Variants in ERBIN observed in about 807,000 individuals in gnomAD.
The protein encoded by ERBIN is erbb2 interacting protein, also known as densin-180-like protein.
Under a neutral mutation model 158.4 loss-of-function variants are expected in ERBIN, and 60 were observed. That is an observed-to-expected ratio of 0.38 (90% CI 0.31 to 0.47). The LOEUF (loss-of-function observed/expected upper bound fraction) is 0.47, where lower values mean the gene tolerates loss of function less well. Among genes scored for constraint, ERBIN ranks in the 20% least tolerant of loss-of-function variants. The probability of loss-of-function intolerance (pLI) is 0.99; values close to 1 mark genes in which losing one functional copy is unlikely to be tolerated. For missense variants in ERBIN, 1,610 were observed against 1,648.0 expected, an observed-to-expected ratio of 0.98 and a Z score of 0.40; for synonymous variants, 594 against 557.2, an observed-to-expected ratio of 1.07 and a Z score of -0.93.
chr5:66,063,671 C>T (rs1446965913), intron 21 of ERBIN, among the ~76,000 whole-genome samples: 2 of 152,132 alleles, frequency 1.3e-5, no homozygotes, highest in African/African-American at 2.4e-5. Flanking sequence ...CCTATTCGGC[C>T]ATCTTGGCTC....
chr5:66,050,765 A>G lies in ERBIN; in HGVS notation c.1904-18A>G, dbSNP rs1758937347. On this transcript the variant is annotated intron_variant, in intron 19 of 25. Transcript: ENST00000284037. ...TCTTGGGGAATTTATCATTAATCTT[A>G]AATTTGTTTTGTTTCAGATGATACA... 1.4e-6 allele frequency: 2 copies of G among 1,471,824 alleles called. No individual in the cohort carries two copies. The highest frequency in any genetic ancestry group is 1.8e-6 in the Non-Finnish European group (2 of 1,095,212). The allele number at this position is 1,471,824 out of a possible 1,614,324, so 91.2% of individuals were successfully genotyped here. A position where few individuals can be genotyped will look rare whatever the true frequency, so the allele number is the denominator to read the frequency against.
In ERBIN at chr5:66,052,529, TATG is replaced by T. The variant is rs1192333692; in HGVS notation, c.2088-874_2088-872del. 5.9e-5 allele frequency among the ~76,000 whole-genome samples: 9 copies of T among 152,302 alleles called. No homozygotes were observed. In the South Asian group the frequency reaches 1.0e-3, roughly 18 times the overall value. On this transcript the variant is annotated intron_variant, in intron 20 of 25. Transcript: ENST00000284037. ...ATTTTATTTATTGTTGGGAAAGCGG[TATG>T]ATATTTTCTAAATCCTGCTTTTAAT...
chr5:65,975,391 C>T (rs561510783), intron 1 of ERBIN, among the ~76,000 whole-genome samples: 23 of 152,178 alleles, frequency 1.5e-4, no homozygotes, highest in Non-Finnish European at 2.8e-4. Flanking sequence ...CTGTAACCTC[C>T]GCCTCCCAGG....
intron 4 of ERBIN, among the ~76,000 whole-genome samples, 154 bp from the exon 5 acceptor site, chr5:66,011,894 AG>A (rs1283826058): frequency 5.9e-5 from 9 of 152,178 alleles, no homozygotes; most frequent in African/African-American, 2.2e-4. Context: ...ATTGTTGTGC[AG>A]GTCATTGTTT....
rs981747175 is a variant in ERBIN, at chr5:66,012,080, T to C, written c.339T>C (p.Asn113=). 19 of 1,606,612 alleles carry C rather than the reference T, an allele frequency of 1.2e-5. No individual in the cohort carries two copies. Among genetic ancestry groups the C allele is most frequent in the Non-Finnish European group, 1.6e-5 (19 of 1,175,954 alleles). Residue 113 remains asparagine, a synonymous_variant, in exon 5 of 26, where the codon AAT becomes AAC. Coordinates refer to ENST00000284037, the MANE Select transcript of ERBIN (RefSeq NM_001253697.2). ...GIQEFPENIK[N]CKVLTIVEAS... ...AGGAGTTTCCAGAAAATATAAAAAA[T>C]TGTAAAGTTTTGACAATTGTGGAGG...
rs572805863 is a variant in ERBIN at position 65,999,290 on chromosome 5, C to T, written c.307+4426C>T. 3.0e-4 allele frequency among the ~76,000 whole-genome samples: 45 copies of T among 152,124 alleles called. No individual in the cohort carries two copies. The South Asian group carries it at 3.1e-3, about 11-fold the overall frequency. On this transcript the variant is annotated intron_variant, in intron 4 of 25. Transcript: ENST00000284037. ...CTGAGGCAGGAGAATTGCTTGAGCT[C>T]GGGAGGCAGAGGTGGCAGTGAGCCG...
chr5:65,990,162 A>AGT, intron 2 of ERBIN, among the ~76,000 whole-genome samples: 1 of 152,320 alleles, frequency 6.6e-6, no homozygotes, highest in South Asian at 2.1e-4. Context: ...AGGAGTATGT[A>AGT]GTGAAGATTT....
At chr5:66,001,751 CTCTT>C (rs1487680754) in intron 4 of ERBIN, among the ~76,000 whole-genome samples, 12 of 152,158 alleles carry the variant, frequency 7.9e-5, no homozygotes, top group South Asian at 2.1e-4. Context: ...ATTTGCTCTT[CTCTT>C]TCTTTTCTCG....
chr5:65,936,679 T>TGAA (rs919385954), intron 1 of ERBIN, among the ~76,000 whole-genome samples: 22 of 152,274 alleles, frequency 1.4e-4, no homozygotes, highest in African/African-American at 5.1e-4. Context: ...CTGGATAAGG[T>TGAA]GAAGGGCTTT....
Position 66,050,872 on chromosome 5 carries a change from T to C in ERBIN, c.1993T>C (p.Ser665Pro). The C allele has an allele frequency of 6.2e-7, 1 of 1,605,762 alleles. No homozygotes were observed. The highest frequency in any genetic ancestry group is 8.5e-7 in the Non-Finnish European group (1 of 1,176,558). Residue 665 changes from serine (S) to proline (P), a missense_variant, in exon 20 of 26, where the codon TCT becomes CCT. Transcript: ENST00000284037. The stretch of plus-strand genomic sequence containing the variant: ...CAATTGTTCTTCTCCATCTCGGATG[T>C]CTGATTCAGTTTCTCTTAATACTGA... ...NSNCSSPSRMSDSVSLNTDSS... is the reference protein window; with the variant it reads ...NSNCSSPSRMPDSVSLNTDSS...
chr5:65,937,823 G>A (rs1469177098), intron 1 of ERBIN, among the ~76,000 whole-genome samples: 1 of 152,154 alleles, frequency 6.6e-6, no homozygotes, highest in Non-Finnish European at 1.5e-5. Flanking sequence ...GCAGGAGAAT[G>A]GCATGAACCC....
intron 1 of ERBIN, among the ~76,000 whole-genome samples, chr5:65,938,395 A>T (rs1326156356): frequency 7.0e-6 from 1 of 142,068 alleles, no homozygotes; most frequent in African/African-American, 2.6e-5. Context: ...TTTTTGAGAC[A>T]GGGTCTCGCT....
At position 66,075,167 on chromosome 5, in the gene ERBIN, C is replaced by T. The variant is rs760729002; in HGVS notation, c.3900C>T (p.His1300=). The T allele has an allele frequency of 8.1e-6, 13 of 1,614,004 alleles. No homozygotes were observed. The highest frequency in any genetic ancestry group is 3.3e-5 in the Admixed American group (2 of 60,000). Residue 1300 remains histidine, a synonymous_variant, in exon 23 of 26, where the codon CAC becomes CAT. Transcript: ENST00000284037. The stretch of plus-strand genomic sequence containing the variant: ...ATTACTTGATGCTGAAAGTGGCCCA[C>T]CAGCCTCCATATACACAGCCCCATT... ...LIDYLMLKVA[H]QPPYTQPHCS...
chr5:66,040,068 A>G (rs1161780145), intron 15 of ERBIN, among the ~76,000 whole-genome samples: 1 of 151,974 alleles, frequency 6.6e-6, no homozygotes, highest in African/African-American at 2.4e-5. Flanking sequence ...TAAACCTGCT[A>G]TAACAATGCA....
At chr5:66,011,741 A>G (rs186367128) in intron 4 of ERBIN, among the ~76,000 whole-genome samples, 1 of 152,304 alleles carries the variant, frequency 6.6e-6, no homozygotes, top group African/African-American at 2.4e-5. Flanking sequence ...TGAGAGAAAC[A>G]GAAAGAATGT....
At chr5:65,968,871 A>T (rs1748952576) in intron 1 of ERBIN, among the ~76,000 whole-genome samples, 2 of 152,124 alleles carry the variant, frequency 1.3e-5, no homozygotes, top group Non-Finnish European at 2.9e-5. Context: ...TATTGCTTTT[A>T]TTTTTAAATT....
At chr5:66,062,247 A>G (rs187542531) in intron 21 of ERBIN, among the ~76,000 whole-genome samples, 3 of 151,996 alleles carry the variant, frequency 2.0e-5, no homozygotes, top group African/African-American at 7.3e-5. Flanking sequence ...GTTTCTTTTT[A>G]TTCTTTTTTC....
Position 66,018,553 on chromosome 5 carries a change from TTATATAA to T in ERBIN, c.534-2762_534-2756del, listed in dbSNP as rs1755237757. 3.4e-3 allele frequency among the ~76,000 whole-genome samples: 25 copies of T among 7,288 alleles called. 10 individuals carry two copies. Among genetic ancestry groups the T allele is most frequent in the African/African-American group, 0.02 (22 of 1,076 alleles). 4.8% of individuals were successfully genotyped at this position (7,288 alleles called of 152,430 possible). On this transcript the variant is annotated intron_variant, in intron 7 of 25. Coordinates refer to ENST00000284037, the MANE Select transcript of ERBIN (RefSeq NM_001253697.2). ...TATATTATATAATATATATTATATA[TTATATAA>T]TATATATTATATTATATAATATATA...
At chr5:66,025,429 C>G in intron 10 of ERBIN, 51 bp from the exon 11 acceptor site, 1 of 1,368,364 alleles carries the variant, frequency 7.3e-7, no homozygotes, top group Non-Finnish European at 1.0e-6. Context: ...TGTTGGTGGA[C>G]TTGCTTCTAT....
Sources: gnomAD v4.1 joint callset for allele counts (sites outside exome capture counted in the v4.1 genomes callset) on GRCh38, gnomAD v4.1.1 for gene constraint, MANE v1.5 for transcripts, NCBI Gene and HGNC (gene_info 2026-07-23, HGNC 2026-07-21) for gene names.